Variants in SPACDR observed in about 807,000 individuals in gnomAD.
The protein encoded by SPACDR is uncharacterized protein C7orf61.
the SPACDR span, among the ~76,000 whole-genome samples, chr7:100,457,503 G>A: frequency 6.6e-6 from 1 of 151,242 alleles, no homozygotes; most frequent in African/African-American, 2.4e-5. Context: ...AGTTTTAGTA[G>A]AGAAGGGGTT....
chr7:100,460,584 C>T, the SPACDR span, among the ~76,000 whole-genome samples: 100 of 149,830 alleles, frequency 6.7e-4, no homozygotes, highest in African/African-American at 2.5e-3. Context: ...AGTGAGACTC[C>T]ATCATAAAAA....
At chr7:100,463,484 G>T in the SPACDR span, 3 of 1,613,704 alleles carry the variant, frequency 1.9e-6, no homozygotes, top group Non-Finnish European at 2.5e-6. Context: ...CTCCACCTCG[G>T]TCTCCTCTGT....
the SPACDR span, chr7:100,464,017 C>T: frequency 4.5e-5 from 71 of 1,565,620 alleles, 2 homozygotes; most frequent in Middle Eastern, 3.4e-4. Flanking sequence ...ACTTCATGAC[C>T]ACAACCATCT....
At chr7:100,463,423 C>T in the SPACDR span, 1 of 1,613,392 alleles carries the variant, frequency 6.2e-7, no homozygotes, top group Non-Finnish European at 8.5e-7. Flanking sequence ...TGGAGACAGA[C>T]TTGACGGCCG....
chr7:100,463,644 G>A, the SPACDR span: 1 of 1,613,946 alleles, frequency 6.2e-7, no homozygotes, highest in Non-Finnish European at 8.5e-7. Flanking sequence ...GAGTCAGGGT[G>A]TCCTGAGATG....
At chr7:100,459,880 C>T in the SPACDR span, among the ~76,000 whole-genome samples, 3 of 151,806 alleles carry the variant, frequency 2.0e-5, no homozygotes, top group Non-Finnish European at 2.9e-5. Context: ...CTGCTGTGAA[C>T]ATCCACATTT....
the SPACDR span, among the ~76,000 whole-genome samples, chr7:100,457,857 ATTTTTTT>A: frequency 3.1e-4 from 27 of 88,330 alleles, no homozygotes; most frequent in South Asian, 1.4e-3. Context: ...ATATATATAT[ATTTTTTT>A]TTTTTTTTGT....
chr7:100,457,572 G>T, the SPACDR span, among the ~76,000 whole-genome samples: 2 of 149,074 alleles, frequency 1.3e-5, no homozygotes, highest in Non-Finnish European at 3.0e-5. Flanking sequence ...GCCGGCCTCG[G>T]CCTCCCAAAG....
chr7:100,464,079 T>TGGGGTGGGGG, the SPACDR span: 1 of 56,610 alleles, frequency 1.8e-5, no homozygotes, highest in African/African-American at 5.3e-4. Flanking sequence ...TTTGGTACGG[T>TGGGGTGGGGG]GGGGGTGGCG....
At chr7:100,464,049 A>G in the SPACDR span, 14 of 1,364,520 alleles carry the variant, frequency 1.0e-5, no homozygotes, top group African/African-American at 3.1e-5. Flanking sequence ...AAAAACACAG[A>G]AGAAAGGGCA....
chr7:100,463,515 G>C, the SPACDR span: 1 of 1,613,958 alleles, frequency 6.2e-7, no homozygotes, highest in Non-Finnish European at 8.5e-7. Flanking sequence ...AACACGCAGG[G>C]ATCTGCCAGC....
the SPACDR span, among the ~76,000 whole-genome samples, chr7:100,458,761 AC>A: frequency 6.6e-6 from 1 of 152,010 alleles, no homozygotes; most frequent in Non-Finnish European, 1.5e-5. Context: ...CCCCATCTCT[AC>A]TAAAAATACA....
At chr7:100,463,986 C>G in the SPACDR span, 6 of 1,608,514 alleles carry the variant, frequency 3.7e-6, no homozygotes, top group Non-Finnish European at 4.2e-6. Flanking sequence ...CTTTGCCAAG[C>G]CCGTCTAACC....
chr7:100,456,985 A>C, the SPACDR span: 1 of 1,608,498 alleles, frequency 6.2e-7, no homozygotes, highest in Non-Finnish European at 8.5e-7. Flanking sequence ...CTCACTGATG[A>C]CTGTAAGAGA....
At chr7:100,456,832 G>A in the SPACDR span, 20 of 1,613,144 alleles carry the variant, frequency 1.2e-5, no homozygotes, top group East Asian at 4.5e-5. Context: ...ACGTGGTGCC[G>A]TCTGTGCCTC....
the SPACDR span, chr7:100,456,848 C>A: frequency 1.2e-6 from 2 of 1,613,330 alleles, no homozygotes. Context: ...GCCTCTCCTG[C>A]CTGCGGTACA....
the SPACDR span, among the ~76,000 whole-genome samples, chr7:100,457,320 CTTT>C: frequency 1.4e-5 from 2 of 145,176 alleles, no homozygotes; most frequent in Non-Finnish European, 3.1e-5. Context: ...TTCTATTCTT[CTTT>C]TTTTTGTTGT....
the SPACDR span, among the ~76,000 whole-genome samples, chr7:100,461,373 C>T: frequency 6.6e-6 from 1 of 152,086 alleles, no homozygotes; most frequent in African/African-American, 2.4e-5. Context: ...GCTTCCCAGA[C>T]TCCAGCAGAC....
the SPACDR span, among the ~76,000 whole-genome samples, chr7:100,458,932 CA>C: frequency 6.7e-6 from 1 of 149,390 alleles, no homozygotes; most frequent in African/African-American, 2.5e-5. Flanking sequence ...CGTCTCAAAA[CA>C]AAACAAAAAA....
Sources: gnomAD v4.1 joint callset for allele counts (sites outside exome capture counted in the v4.1 genomes callset) on GRCh38, gnomAD v4.1.1 for gene constraint, MANE v1.5 for transcripts, NCBI Gene and HGNC (gene_info 2026-07-23, HGNC 2026-07-21) for gene names.